Variants in CDC7 observed in about 807,000 individuals in gnomAD.
The protein encoded by CDC7 is cell division cycle 7.
A neutral mutation model predicts 53.5 loss-of-function variants in CDC7; 34 were observed. The ratio of observed to expected loss-of-function variants is 0.64; its 90% CI spans 0.48 to 0.85. CDC7 has a LOEUF of 0.85. CDC7 is among the 40% of genes least tolerant of loss of function. The pLI is 0.00. For missense variants in CDC7, 594 were observed against 679.7 expected, an observed-to-expected ratio of 0.87 and a Z score of 1.40; for synonymous variants, 211 against 222.8, an observed-to-expected ratio of 0.95 and a Z score of 0.47.
At chr1:91,513,354 T>C (rs754001080) in intron 7 of CDC7, 47 bp downstream of exon 7, 9 of 1,554,038 alleles carry the variant, frequency 5.8e-6, no homozygotes, top group African/African-American at 4.1e-5. Context: ...TTTAGAAATA[T>C]ACTCCTTCAA....
At chr1:91,506,603 G>GT (rs900136153) in intron 2 of CDC7, among the ~76,000 whole-genome samples, 5 of 151,810 alleles carry the variant, frequency 3.3e-5, no homozygotes, top group African/African-American at 9.7e-5. Context: ...AAATTTATTG[G>GT]TTTTTTTTAC....
intron 2 of CDC7, among the ~76,000 whole-genome samples, chr1:91,505,691 C>A (rs1666948368): frequency 6.6e-6 from 1 of 152,190 alleles, no homozygotes; most frequent in Non-Finnish European, 1.5e-5. Context: ...CATGAATGCA[C>A]TTTTCTGCTT....
chr1:91,515,537 A>T (rs1391143541), intron 9 of CDC7, among the ~76,000 whole-genome samples: 1 of 152,168 alleles, frequency 6.6e-6, no homozygotes, highest in Non-Finnish European at 1.5e-5. Context: ...GGCTCTTATT[A>T]TCCACTACTG....
At chr1:91,520,492 A>G (rs997296220) in intron 11 of CDC7, among the ~76,000 whole-genome samples, 2 of 152,240 alleles carry the variant, frequency 1.3e-5, no homozygotes, top group Non-Finnish European at 2.9e-5. Context: ...ACAAAGTAAT[A>G]CACTGTTGCA....
chr1:91,502,799 T>C (rs1250159836), intron 2 of CDC7, among the ~76,000 whole-genome samples: 1 of 152,200 alleles, frequency 6.6e-6, no homozygotes, highest in Non-Finnish European at 1.5e-5. Flanking sequence ...GTTTCTCACC[T>C]ATGCTGCCTG....
At chr1:91,509,851 C>A (rs1414819645) in intron 4 of CDC7, among the ~76,000 whole-genome samples, 2 of 152,152 alleles carry the variant, frequency 1.3e-5, no homozygotes, top group Admixed American at 6.5e-5. Context: ...AGCTTTCTTA[C>A]CTCAGGGCCA....
At chr1:91,516,996 C>G (rs557666093) in intron 10 of CDC7, among the ~76,000 whole-genome samples, 2 of 152,026 alleles carry the variant, frequency 1.3e-5, no homozygotes, top group Non-Finnish European at 2.9e-5. Context: ...ACGCAGGAGG[C>G]GGAAGTTGCA....
chr1:91,519,032 G>C (rs1436036709), intron 10 of CDC7, among the ~76,000 whole-genome samples: 1 of 148,390 alleles, frequency 6.7e-6, no homozygotes, highest in Admixed American at 6.7e-5. Flanking sequence ...CCACACTCTA[G>C]CCTGGGTAAC....
At position 91,508,247 on chromosome 1, in the gene CDC7, T is replaced by G; in HGVS notation, c.200-15T>G. The G allele has an allele frequency of 6.4e-7, 1 of 1,566,598 alleles. No individual in the cohort carries two copies. The highest frequency in any genetic ancestry group is 8.6e-7 in the Non-Finnish European group (1 of 1,161,832). ...AAAAACCAGATATTGAAAAATTTAA[T>G]AAATTGTTTTACAGGCACTTTCAGC... On this transcript the variant is annotated splice_polypyrimidine_tract_variant and intron_variant, in intron 3 of 11. Coordinates refer to ENST00000234626, the MANE Select transcript of CDC7 (RefSeq NM_003503.4).
At chr1:91,501,581 G>T (rs573154806) in intron 1 of CDC7, 73 bp from the exon 2 acceptor site, 62 of 697,222 alleles carry the variant, frequency 8.9e-5, no homozygotes, top group African/African-American at 8.6e-4. Flanking sequence ...TGCCCCTTTG[G>T]GGGGCAGTAG....
Position 91,511,772 on chromosome 1 carries a change from T to G in CDC7, c.430-9T>G. 1 of 1,601,568 alleles carries G rather than the reference T, an allele frequency of 6.2e-7. No individual in the cohort carries two copies. The highest frequency in any genetic ancestry group is 8.5e-7 in the Non-Finnish European group (1 of 1,171,542). ...TTTGTAACTCATTTCATTTGTAACT[T>G]TGTTTTAGGACATTCTGAATTCTCT... On this transcript the variant is annotated splice_polypyrimidine_tract_variant and intron_variant, in intron 5 of 11. Transcript: ENST00000234626.
chr1:91,501,897 A>C, intron 2 of CDC7, 66 bp downstream of exon 2: 1 of 1,109,694 alleles, frequency 9.0e-7, no homozygotes, highest in East Asian at 2.3e-5. Flanking sequence ...TGTGTTTTCA[A>C]TTCCTCTCAA....
At chr1:91,520,472 C>T (rs1043800214) in intron 11 of CDC7, among the ~76,000 whole-genome samples, 193 bp downstream of exon 11, 3 of 152,106 alleles carry the variant, frequency 2.0e-5, no homozygotes. Flanking sequence ...ATCATTTAAT[C>T]TTATTAAGCA....
chr1:91,508,623 T>C (rs931095228), intron 4 of CDC7, among the ~76,000 whole-genome samples: 2 of 152,218 alleles, frequency 1.3e-5, no homozygotes, highest in Non-Finnish European at 2.9e-5. Context: ...TCCTGTCTTT[T>C]ATCACTGCTT....
intron 11 of CDC7, among the ~76,000 whole-genome samples, chr1:91,523,366 T>A (rs1425900971): frequency 6.6e-6 from 1 of 152,204 alleles, no homozygotes; most frequent in East Asian, 1.9e-4. Flanking sequence ...CCTTTTTGTC[T>A]AGTCCAACAG....
chr1:91,519,133 T>C (rs1667765949), intron 10 of CDC7, among the ~76,000 whole-genome samples: 1 of 151,102 alleles, frequency 6.6e-6, no homozygotes. Context: ...GTCAGTAATT[T>C]AATTGTGCAG....
At chr1:91,506,465 G>A (rs1666994628) in intron 2 of CDC7, among the ~76,000 whole-genome samples, 1 of 152,022 alleles carries the variant, frequency 6.6e-6, no homozygotes. Flanking sequence ...GTCAACTGAA[G>A]GCTTCCTATC....
At chr1:91,505,693 T>C (rs1415514627) in intron 2 of CDC7, among the ~76,000 whole-genome samples, 1 of 152,212 alleles carries the variant, frequency 6.6e-6, no homozygotes, top group Non-Finnish European at 1.5e-5. Flanking sequence ...TGAATGCACT[T>C]TTCTGCTTTC....
At chr1:91,518,152 A>C (rs2102388994) in intron 10 of CDC7, among the ~76,000 whole-genome samples, 1 of 150,914 alleles carries the variant, frequency 6.6e-6, no homozygotes, top group East Asian at 1.9e-4. Flanking sequence ...AGAGCAGATA[A>C]CCTGGTGATA....
Sources: gnomAD v4.1 joint callset for allele counts (sites outside exome capture counted in the v4.1 genomes callset) on GRCh38, gnomAD v4.1.1 for gene constraint, MANE v1.5 for transcripts, NCBI Gene and HGNC (gene_info 2026-07-23, HGNC 2026-07-21) for gene names.